The following RPP38 variants were observed in gnomAD, a reference collection of about 807,000 sequenced individuals.
RPP38 encodes ribonuclease P/MRP subunit p38.
Under a neutral mutation model 1.7 loss-of-function variants are expected in RPP38, and 2 were observed. That is an observed-to-expected ratio of 1.18 (90% CI 0.48 to 3.70). The LOEUF (loss-of-function observed/expected upper bound fraction) is 3.70, where lower values mean the gene tolerates loss of function less well. Among genes scored for constraint, RPP38 ranks in the 30% most tolerant of loss-of-function variants. The pLI is 0.07. For missense variants in RPP38, 358 were observed against 340.1 expected (o/e 1.05, Z -0.41); for synonymous variants, 151 against 131.8 (o/e 1.15, Z -1.00).
At position 15,103,343 on chromosome 10, in the gene RPP38, G is replaced by A. The variant is rs372894666; in HGVS notation, c.29G>A (p.Arg10Gln). The A allele has an allele frequency of 7.0e-5, 111 of 1,593,894 alleles. No homozygotes were observed. The highest frequency in any genetic ancestry group is 8.4e-5 in the Non-Finnish European group (98 of 1,171,826). Residue 10 changes from arginine to glutamine, a missense_variant, in exon 3 of 3, where the codon CGG becomes CAG. Arg to Gln is a conservative substitution (Grantham distance 43, BLOSUM62 1). Transcript: ENST00000378197. MAAAPQAPG[R>Q]GSLRKTRPLV... ...GCTGCAGCTCCTCAAGCACCGGGGC[G>A]GGGATCTCTCCGTAAGACGAGACCT... is the stretch of plus-strand genomic sequence containing the variant.
intron 1 of RPP38, among the ~76,000 whole-genome samples, chr10:15,101,782 C>T (rs1265287573): frequency 1.3e-5 from 2 of 152,028 alleles, no homozygotes; most frequent in African/African-American, 2.4e-5. Flanking sequence ...CCCAGCTACT[C>T]CGGAGGCTGT....
intron 1 of RPP38, among the ~76,000 whole-genome samples, chr10:15,100,986 C>T (rs1183920474): frequency 1.3e-5 from 2 of 152,160 alleles, no homozygotes; most frequent in Non-Finnish European, 2.9e-5. Flanking sequence ...CGGCCTGGGG[C>T]AGCTTTTTAT....
chr10:15,100,473 G>T (rs182222191), intron 1 of RPP38, among the ~76,000 whole-genome samples: 30 of 152,198 alleles, frequency 2.0e-4, no homozygotes, highest in African/African-American at 7.0e-4. Flanking sequence ...TTAGGCCCCA[G>T]AAGTCTCCAG....
intron 1 of RPP38, among the ~76,000 whole-genome samples, chr10:15,098,067 C>A (rs1844994521): frequency 6.6e-6 from 1 of 152,070 alleles, no homozygotes; most frequent in Admixed American, 6.6e-5. Flanking sequence ...AGATCTATAA[C>A]GTCTTTCTAA....
At position 15,103,360 on chromosome 10, in the gene RPP38, A is replaced by G. The variant is rs375521258; in HGVS notation, c.46A>G (p.Thr16Ala). The G allele has an allele frequency of 4.7e-5, 76 of 1,610,194 alleles. No homozygotes were observed. The highest frequency in any genetic ancestry group is 7.6e-6 in the Non-Finnish European group (9 of 1,178,766). ...QAPGRGSLRK[T>A]RPLVVKTSLN... Reference sequence around the variant, plus strand: ...ACCGGGGCGGGGATCTCTCCGTAAGACGAGACCTCTGGTTGTGAAGACGTC... The same window carrying G: ...ACCGGGGCGGGGATCTCTCCGTAAGGCGAGACCTCTGGTTGTGAAGACGTC... Residue 16 changes from threonine to alanine, a missense_variant, in exon 3 of 3, where the codon ACG becomes GCG. By Grantham distance (58) the Thr-to-Ala change is moderately conservative (BLOSUM62 0). Coordinates refer to ENST00000378197, the MANE Select transcript of RPP38 (RefSeq NM_183005.5).
rs1844974804 is a variant in RPP38, at chr10:15,097,592, G to C, written c.-304G>C. ...TGGGCCGCCCAGTCCCGGGCCGGGC[G>C]CGTGCACCCAGAGCTTCCGCGTTTC... On this transcript the variant is annotated 5_prime_UTR_variant, in exon 1 of 3. Transcript: ENST00000378197. 1 of 152,308 alleles carries C rather than the reference G, an allele frequency of 6.6e-6. No homozygotes were observed. The highest frequency in any genetic ancestry group is 1.5e-5 in the Non-Finnish European group (1 of 68,070). The allele number at this position is 152,308 out of a possible 1,614,324, so 9.4% of individuals were successfully genotyped here.
At chr10:15,101,593 C>T (rs1034691260) in intron 1 of RPP38, among the ~76,000 whole-genome samples, 6 of 152,096 alleles carry the variant, frequency 3.9e-5, no homozygotes, top group African/African-American at 1.4e-4. Flanking sequence ...TCGGGGTCCC[C>T]CTAAAAAGGA....
intron 1 of RPP38, among the ~76,000 whole-genome samples, chr10:15,100,188 C>T (rs1845071622): frequency 6.6e-6 from 1 of 152,160 alleles, no homozygotes; most frequent in Non-Finnish European, 1.5e-5. Flanking sequence ...GTTTTGTGAT[C>T]CCTCTGGAGC....
intron 1 of RPP38, among the ~76,000 whole-genome samples, chr10:15,100,880 G>A (rs190149040): frequency 7.2e-5 from 11 of 152,070 alleles, no homozygotes; most frequent in Non-Finnish European, 1.2e-4. Flanking sequence ...ACGGGATTTC[G>A]CCATATTGGC....
Position 15,097,496 on chromosome 10 carries a change from G to C in RPP38, c.-400G>C, listed in dbSNP as rs933259459. ...CTGCGGAATCTGGAGGCCGAAGCCC[G>C]CGCGCACGCAGGGTCTCTGCTGCTT... On this transcript the variant is annotated 5_prime_UTR_variant, in exon 1 of 3. Transcript: ENST00000378197. The C allele has an allele frequency of 1.3e-5, 2 of 152,260 alleles. No individual in the cohort carries two copies. The highest frequency in any genetic ancestry group is 4.8e-5 in the African/African-American group (2 of 41,466). 9.4% of individuals were successfully genotyped at this position (152,260 alleles called of 1,614,324 possible). A position where few individuals can be genotyped will look rare whatever the true frequency, so the allele number is the denominator to read the frequency against.
Position 15,103,593 on chromosome 10 carries a change from G to T in RPP38, c.279G>T (p.Lys93Asn), listed in dbSNP as rs758695550. ...ATATTAGTGAGAATCTGAAGGAGAA[G>T]AAAACAGATGCTAAGCAGCAAGTGT... is the stretch of plus-strand genomic sequence containing the variant. ...AVDISENLKE[K>N]KTDAKQQVSG... The change falls in exon 3 of 3, where the codon AAG (lysine) becomes AAT (asparagine). Residue 93 changes from lysine (K) to asparagine (N), a missense_variant. Physicochemically the swap from Lys to Asn is moderately conservative, Grantham distance 94 (BLOSUM62 0). Coordinates refer to ENST00000378197, the MANE Select transcript of RPP38 (RefSeq NM_183005.5). The T allele has an allele frequency of 3.1e-6, 5 of 1,613,996 alleles. No individual in the cohort carries two copies. Among genetic ancestry groups the T allele is most frequent in the Non-Finnish European group, 4.2e-6 (5 of 1,180,036 alleles).
chr10:15,100,201 G>C (rs1424787678), intron 1 of RPP38, among the ~76,000 whole-genome samples: 1 of 152,172 alleles, frequency 6.6e-6, no homozygotes, highest in Non-Finnish European at 1.5e-5. Flanking sequence ...TCTGGAGCAT[G>C]ATTTTAAGTA....
intron 1 of RPP38, among the ~76,000 whole-genome samples, chr10:15,101,333 C>A (rs1476344820): frequency 6.6e-6 from 1 of 152,136 alleles, no homozygotes; most frequent in African/African-American, 2.4e-5. Context: ...ATATAACTTC[C>A]TTTAGTTTTG....
In RPP38 at chr10:15,102,202, T is replaced by C. The variant is rs1052427818; in HGVS notation, c.-129-16T>C. 11 of 151,586 alleles carry C rather than the reference T, an allele frequency of 7.3e-5. No homozygotes were observed. The highest frequency in any genetic ancestry group is 2.7e-4 in the African/African-American group (11 of 41,194). The allele number at this position is 151,586 out of a possible 1,614,324, so 9.4% of individuals were successfully genotyped here. On this transcript the variant is annotated splice_polypyrimidine_tract_variant and intron_variant, in intron 1 of 2. Coordinates refer to ENST00000378197, the MANE Select transcript of RPP38 (RefSeq NM_183005.5). ...CTGGAGGTGCTCAGATCATTTTTTT[T>C]TTTTTTTTTTTGCAGACAGGGTCAG...
chr10:15,098,626 G>A (rs1259517511), intron 1 of RPP38, among the ~76,000 whole-genome samples: 2 of 150,936 alleles, frequency 1.3e-5, no homozygotes, highest in Admixed American at 6.6e-5. Context: ...GGTGGCTCAC[G>A]CCTGTAGTCC....
rs748293571 is a variant in RPP38 at position 15,103,500 on chromosome 10, TAAG to T, written c.192_194del (p.Lys66del). On this transcript the variant is annotated inframe_deletion, in exon 3 of 3. Coordinates refer to ENST00000378197, the MANE Select transcript of RPP38 (RefSeq NM_183005.5). ...CTATTGGACTTCAGAAGATTGAAGA[TAAG>T]AAGAAAAAGAACAAAACACCTTTTC... 1.6e-5 allele frequency: 26 copies of T among 1,613,852 alleles called. No homozygotes were observed. The South Asian group carries it at 1.8e-4, about 11-fold the overall frequency.
Position 15,104,207 on chromosome 10 carries a change from C to T in RPP38, c.*41C>T. The stretch of plus-strand genomic sequence containing the variant: ...TCATGTCATACAGTTTGTGAAAGGA[C>T]ACCTTGTAAAGAAGCCTTGAAACTA... On this transcript the variant is annotated 3_prime_UTR_variant, in exon 3 of 3. Transcript: ENST00000378197. 6.6e-7 allele frequency: 1 copy of T among 1,524,978 alleles called. No individual in the cohort carries two copies. The highest frequency in any genetic ancestry group is 8.8e-7 in the Non-Finnish European group (1 of 1,140,398). The allele number at this position is 1,524,978 out of a possible 1,614,324, so 94.5% of individuals were successfully genotyped here. A position where few individuals can be genotyped will look rare whatever the true frequency, so the allele number is the denominator to read the frequency against.
chr10:15,099,492 T>TTA (rs1391075596), intron 1 of RPP38, among the ~76,000 whole-genome samples: 1 of 151,530 alleles, frequency 6.6e-6, no homozygotes, highest in Non-Finnish European at 1.5e-5. Flanking sequence ...TTTTTTTTTT[T>TTA]AAGACGGAGT....
chr10:15,102,194 A>ATTTTT (rs10542485), intron 1 of RPP38, 24 bp from the exon 2 acceptor site: 1 of 133,246 alleles, frequency 7.5e-6, no homozygotes, highest in Admixed American at 7.8e-5. Flanking sequence ...TGCTCAGATC[A>ATTTTT]TTTTTTTTTT....
Sources: allele counts gnomAD v4.1 joint callset (sites outside exome capture counted in the v4.1 genomes callset), GRCh38; gene constraint gnomAD v4.1.1; transcripts MANE v1.5; gene names NCBI Gene and HGNC (gene_info 2026-07-23, HGNC 2026-07-21).